The following GRB14 variants were observed in gnomAD, a reference collection of about 807,000 sequenced individuals.
The protein encoded by GRB14 is growth factor receptor-bound protein 14.
In GRB14, 38 loss-of-function variants were observed where a neutral mutation model predicts 69.1. That is an observed-to-expected ratio of 0.55 (90% CI 0.42 to 0.72). The LOEUF is 0.72. GRB14 is among the 30% of genes least tolerant of loss of function. The pLI is 0.00. For synonymous variants in GRB14, 247 were observed against 241.3 expected, an observed-to-expected ratio of 1.02 and a Z score of -0.22; for missense variants, 666 against 666.1, an observed-to-expected ratio of 1.00 and a Z score of 0.00.
At chr2:164,573,276 C>A (rs898142703) in intron 2 of GRB14, among the ~76,000 whole-genome samples, 1 of 152,156 alleles carries the variant, frequency 6.6e-6, no homozygotes, top group Non-Finnish European at 1.5e-5. Context: ...ACACAGTAGG[C>A]CTTATGTTCA....
In GRB14 at chr2:164,527,176, AATATATATATATATATATATATATATAT is replaced by A. The variant is rs57531034; in HGVS notation, c.482-69_482-42del. 236 of 249,904 alleles carry A rather than the reference AATATATATATATATATATATATATATAT, an allele frequency of 9.4e-4. 7 individuals carry two copies. The highest frequency in any genetic ancestry group is 1.3e-3 in the Non-Finnish European group (180 of 138,628). The allele number at this position is 249,904 out of a possible 1,614,324, so 15.5% of individuals were successfully genotyped here. Reference sequence around the variant, plus strand: ...CAATGAGTATGTTGACAGATAGACAAATATATATATATATATATATATATATATATATATATATATATATACACACACA... The same window carrying A: ...CAATGAGTATGTTGACAGATAGACAAATATATATATATATATACACACACA... On this transcript the variant is annotated intron_variant, in intron 3 of 13. Coordinates refer to ENST00000263915, the MANE Select transcript of GRB14 (RefSeq NM_004490.3).
At chr2:164,618,121 C>T in intron 2 of GRB14, among the ~76,000 whole-genome samples, 1 of 152,078 alleles carries the variant, frequency 6.6e-6, no homozygotes, top group Non-Finnish European at 1.5e-5. Flanking sequence ...TGCAGGCCAC[C>T]ACACCCAGCT....
chr2:164,568,568 A>G (rs754544551), intron 2 of GRB14: 1 of 692,052 alleles, frequency 1.4e-6, no homozygotes, highest in Non-Finnish European at 1.8e-6. Context: ...AGGACAAGGC[A>G]GCAACCAATC....
intron 2 of GRB14, among the ~76,000 whole-genome samples, chr2:164,574,598 C>CAAA: frequency 6.6e-6 from 1 of 151,982 alleles, no homozygotes; most frequent in East Asian, 1.9e-4. Flanking sequence ...AGAAGAAAAC[C>CAAA]AAAACAGCAG....
At chr2:164,553,545 T>C (rs865880816) in intron 2 of GRB14, among the ~76,000 whole-genome samples, 38 of 152,346 alleles carry the variant, frequency 2.5e-4, no homozygotes, top group Admixed American at 3.9e-4. Context: ...TATATTTAGG[T>C]TGATATTCCA....
chr2:164,592,934 C>T (rs149466314), intron 2 of GRB14, among the ~76,000 whole-genome samples: 5 of 152,270 alleles, frequency 3.3e-5, no homozygotes, highest in African/African-American at 4.8e-5. Flanking sequence ...TTGTCATTCC[C>T]CATGATAAGC....
chr2:164,605,529 G>T (rs185849133), intron 2 of GRB14, among the ~76,000 whole-genome samples: 1 of 152,208 alleles, frequency 6.6e-6, no homozygotes, highest in African/African-American at 2.4e-5. Context: ...ATGAAAACAA[G>T]AAGTTCTAGG....
At chr2:164,559,110 T>C (rs901875855) in intron 2 of GRB14, among the ~76,000 whole-genome samples, 13 of 152,180 alleles carry the variant, frequency 8.5e-5, no homozygotes, top group Non-Finnish European at 1.6e-4. Flanking sequence ...AAATATGCTA[T>C]GTTCAACCTT....
chr2:164,618,388 G>A (rs746569112), intron 2 of GRB14, among the ~76,000 whole-genome samples: 12 of 151,912 alleles, frequency 7.9e-5, no homozygotes, highest in Non-Finnish European at 1.2e-4. Flanking sequence ...CACTAGGGCT[G>A]TTTTTTCCTT....
Position 164,495,145 on chromosome 2 carries a change from T to C in GRB14, c.1383-621A>G, listed in dbSNP as rs192642216. Among the ~76,000 whole-genome samples, 186 of 152,188 alleles carry C rather than the reference T, an allele frequency of 1.2e-3. 1 individual carries two copies. Among genetic ancestry groups the C allele is most frequent in the African/African-American group, 4.2e-3 (174 of 41,532 alleles). On this transcript the variant is annotated intron_variant, in intron 12 of 13. Coordinates refer to ENST00000263915, the MANE Select transcript of GRB14 (RefSeq NM_004490.3). Reference sequence around the variant, plus strand: ...TTAGCAGAGACAGGGTTTCACCATATTGGCTGGGCTGGTTTCGAACTCCAG... The same window carrying C: ...TTAGCAGAGACAGGGTTTCACCATACTGGCTGGGCTGGTTTCGAACTCCAG...
chr2:164,583,909 C>T (rs922611450), intron 2 of GRB14, among the ~76,000 whole-genome samples: 6 of 151,806 alleles, frequency 4.0e-5, no homozygotes, highest in Non-Finnish European at 5.9e-5. Context: ...ATTTTGTCTT[C>T]TTGACACAAT....
chr2:164,532,649 G>A (rs573929682), intron 3 of GRB14, among the ~76,000 whole-genome samples: 1 of 152,158 alleles, frequency 6.6e-6, no homozygotes, highest in Non-Finnish European at 1.5e-5. Context: ...CACAAGCCAA[G>A]GAATGCTAGT....
intron 3 of GRB14, among the ~76,000 whole-genome samples, chr2:164,535,505 G>A (rs1182167368): frequency 2.0e-5 from 3 of 152,136 alleles, no homozygotes; most frequent in African/African-American, 7.2e-5. Flanking sequence ...CTTGATAAGA[G>A]AAGAAACAAA....
At chr2:164,523,516 G>C (rs1687690252) in intron 5 of GRB14, among the ~76,000 whole-genome samples, 1 of 151,902 alleles carries the variant, frequency 6.6e-6, no homozygotes, top group African/African-American at 2.4e-5. Flanking sequence ...ATTTTAAAAG[G>C]CTACTAAAGG....
At chr2:164,613,355 C>T (rs1407885822) in intron 2 of GRB14, among the ~76,000 whole-genome samples, 2 of 152,110 alleles carry the variant, frequency 1.3e-5, no homozygotes, top group African/African-American at 2.4e-5. Context: ...ACCTCTTTCT[C>T]ACATGTTACC....
chr2:164,607,005 G>A (rs934755977), intron 2 of GRB14, among the ~76,000 whole-genome samples: 4 of 152,086 alleles, frequency 2.6e-5, no homozygotes, highest in African/African-American at 9.7e-5. Flanking sequence ...TGCTTACAAG[G>A]GAACCAAAGA....
intron 6 of GRB14, among the ~76,000 whole-genome samples, chr2:164,512,358 G>A (rs1687361367): frequency 1.3e-5 from 2 of 152,034 alleles, no homozygotes; most frequent in African/African-American, 4.8e-5. Context: ...GTAGAGAAGG[G>A]GATTCACCAT....
chr2:164,584,072 A>G (rs970682818), intron 2 of GRB14, among the ~76,000 whole-genome samples: 2 of 145,538 alleles, frequency 1.4e-5, no homozygotes, highest in East Asian at 2.0e-4. Flanking sequence ...TGCAACTTCT[A>G]CCTCGCAGGT....
chr2:164,551,549 T>C (rs923026448), intron 2 of GRB14, among the ~76,000 whole-genome samples: 1 of 152,190 alleles, frequency 6.6e-6, no homozygotes, highest in Non-Finnish European at 1.5e-5. Flanking sequence ...TCCTATGGAA[T>C]AGATCACTAT....
Sources: gnomAD v4.1 joint callset for allele counts (sites outside exome capture counted in the v4.1 genomes callset) on GRCh38, gnomAD v4.1.1 for gene constraint, MANE v1.5 for transcripts, NCBI Gene and HGNC (gene_info 2026-07-23, HGNC 2026-07-21) for gene names.